PIWIL3: variants seen among roughly 807,000 people sequenced by gnomAD.
PIWIL3 encodes the protein piwi like RNA-mediated gene silencing 3.
Under a neutral mutation model 109.7 loss-of-function variants are expected in PIWIL3, and 101 were observed. The ratio of observed to expected loss-of-function variants is 0.92; its 90% CI spans 0.78 to 1.09. The LOEUF (loss-of-function observed/expected upper bound fraction) is 1.09. Ranked by LOEUF, PIWIL3 falls within the 50% of genes least tolerant of loss-of-function variation. PIWIL3 has a pLI of 0.00. For synonymous variants in PIWIL3, 373 were observed against 376.4 expected (o/e 0.99, Z 0.10); for missense variants, 1,031 against 1,072.6 (o/e 0.96, Z 0.54).
chr22:24,723,576 G>A (rs533139738), intron 18 of PIWIL3, among the ~76,000 whole-genome samples: 2 of 152,294 alleles, frequency 1.3e-5, no homozygotes, highest in South Asian at 4.1e-4. Context: ...GTAAGTCTTA[G>A]GGCTGGAGAT....
At chr22:24,759,839 G>A (rs775513503) in intron 3 of PIWIL3, 30 bp downstream of exon 3, 1 of 1,613,586 alleles carries the variant, frequency 6.2e-7, no homozygotes, top group Admixed American at 1.7e-5. Flanking sequence ...AGCATCCCCT[G>A]CCCCTCATGT....
At chr22:24,751,241 T>C in intron 9 of PIWIL3, 146 bp downstream of exon 9, 1 of 757,860 alleles carries the variant, frequency 1.3e-6, no homozygotes, top group Middle Eastern at 4.0e-4. Context: ...CGTGGATGCA[T>C]GGATAATAGA....
At chr22:24,764,007 G>A (rs1925625066) in intron 1 of PIWIL3, among the ~76,000 whole-genome samples, 3 of 152,292 alleles carry the variant, frequency 2.0e-5, no homozygotes, top group Admixed American at 6.5e-5. Flanking sequence ...CCAAGAGGGA[G>A]ATCCTCTTGC....
intron 1 of PIWIL3, among the ~76,000 whole-genome samples, chr22:24,767,832 A>G (rs984850601): frequency 6.6e-6 from 1 of 152,346 alleles, no homozygotes; most frequent in South Asian, 2.1e-4. Context: ...AAGGACAGTG[A>G]CTTGCCCAAG....
intron 1 of PIWIL3, among the ~76,000 whole-genome samples, chr22:24,771,856 C>G (rs748829732): frequency 6.6e-6 from 1 of 151,966 alleles, no homozygotes; most frequent in South Asian, 2.1e-4. Flanking sequence ...TCCTCATGCC[C>G]GGCTAATTTT....
intron 14 of PIWIL3, among the ~76,000 whole-genome samples, chr22:24,730,780 AG>A (rs1486901343): frequency 3.9e-5 from 6 of 152,246 alleles, no homozygotes; most frequent in Non-Finnish European, 7.3e-5. Flanking sequence ...GTTTAAAATG[AG>A]GACTATGTTC....
Position 24,729,581 on chromosome 22 carries a change from C to G in PIWIL3, c.1708-1207G>C, listed in dbSNP as rs561046328. 3.3e-5 allele frequency among the ~76,000 whole-genome samples: 5 copies of G among 152,288 alleles called. No individual in the cohort carries two copies. In the South Asian group the frequency reaches 1.0e-3, roughly 32 times the overall value. ...GTGGGAAACTAAGCAGTTAGGCAGA[C>G]TGGTTACTAATTGGCCTGTTCCTGA... On this transcript the variant is annotated intron_variant, in intron 14 of 20. Transcript: ENST00000616349.
intron 8 of PIWIL3, among the ~76,000 whole-genome samples, chr22:24,752,356 T>C (rs1385106229): frequency 6.6e-6 from 1 of 152,178 alleles, no homozygotes; most frequent in Non-Finnish European, 1.5e-5. Flanking sequence ...CCCTGCCATG[T>C]GTGCAGGTGT....
Position 24,757,772 on chromosome 22 carries a change from A to G in PIWIL3, c.355+136T>C, listed in dbSNP as rs540497436. 1.0e-5 allele frequency: 11 copies of G among 1,048,778 alleles called. No homozygotes were observed. The Admixed American group carries it at 1.4e-4, about 14-fold the overall frequency. 65.0% of individuals were successfully genotyped at this position (1,048,778 alleles called of 1,614,324 possible). A position where few individuals can be genotyped will look rare whatever the true frequency, so the allele number is the denominator to read the frequency against. On this transcript the variant is annotated intron_variant, in intron 4 of 20. Coordinates refer to ENST00000616349, the MANE Select transcript of PIWIL3 (RefSeq NM_001255975.1). ...GATCAGCTCAGGATCAGCTGAGCCC[A>G]GGAGTTTGAGGCTAAAGTGAGCATC...
At chr22:24,731,733 T>C (rs780500130) in intron 14 of PIWIL3, among the ~76,000 whole-genome samples, 18 of 152,162 alleles carry the variant, frequency 1.2e-4, no homozygotes, top group Non-Finnish European at 1.8e-4. Flanking sequence ...AGAAGGTATA[T>C]AAGCTCTGAA....
At chr22:24,733,187 A>G (rs1238492770) in intron 14 of PIWIL3, among the ~76,000 whole-genome samples, 1 of 152,218 alleles carries the variant, frequency 6.6e-6, no homozygotes, top group African/African-American at 2.4e-5. Context: ...AAAACACAAT[A>G]GGAAAACATT....
At chr22:24,764,265 G>C (rs1448846583) in intron 1 of PIWIL3, among the ~76,000 whole-genome samples, 2 of 152,246 alleles carry the variant, frequency 1.3e-5, no homozygotes, top group Non-Finnish European at 2.9e-5. Context: ...AGGGATGGGA[G>C]TGGGGCTGGC....
intron 18 of PIWIL3, among the ~76,000 whole-genome samples, chr22:24,724,436 A>ATTTT (rs111263336): frequency 3.0e-5 from 4 of 135,178 alleles, no homozygotes; most frequent in African/African-American, 1.1e-4. Flanking sequence ...TAATTTTTTC[A>ATTTT]TTTTTTTTTT....
intron 1 of PIWIL3, among the ~76,000 whole-genome samples, chr22:24,770,092 G>C (rs1022150988): frequency 5.9e-5 from 9 of 152,252 alleles, no homozygotes; most frequent in African/African-American, 2.2e-4. Context: ...GCTGCAGCTT[G>C]TTGAGCCACC....
Position 24,758,035 on chromosome 22 carries a change from C to T in PIWIL3, c.228G>A (p.Val76=). ...ACCCAGCCTCAGGTCCAGGTTCCTTCACCCCTGCATAAATGTAAACGCCAG... is the reference window on the plus strand; with the variant it reads ...ACCCAGCCTCAGGTCCAGGTTCCTTTACCCCTGCATAAATGTAAACGCCAG... ...GAGGGAQSQG[V]KEPGPEAGLH... is the part of the protein sequence containing the mutation. The change falls in exon 4 of 21, where the codon GTG becomes GTA. Residue 76 remains valine (V), a synonymous_variant. Coordinates refer to ENST00000616349, the MANE Select transcript of PIWIL3 (RefSeq NM_001255975.1). The T allele has an allele frequency of 1.2e-6, 2 of 1,610,018 alleles. No individual in the cohort carries two copies. Among genetic ancestry groups the T allele is most frequent in the Non-Finnish European group, 1.7e-6 (2 of 1,178,914 alleles).
intron 12 of PIWIL3, among the ~76,000 whole-genome samples, chr22:24,745,717 G>GAAAAA (rs71189273): frequency 2.5e-4 from 20 of 80,238 alleles, no homozygotes; most frequent in South Asian, 8.7e-4. Context: ...GTCAGACTAA[G>GAAAAA]AAAAAAAAAA....
chr22:24,719,460 T>G lies in PIWIL3; in HGVS notation c.*12A>C, dbSNP rs763555461. The G allele has an allele frequency of 6.5e-7, 1 of 1,540,224 alleles. No individual in the cohort carries two copies. The highest frequency in any genetic ancestry group is 1.2e-5 in the South Asian group (1 of 80,474). On this transcript the variant is annotated 3_prime_UTR_variant, in exon 21 of 21. Coordinates refer to ENST00000616349, the MANE Select transcript of PIWIL3 (RefSeq NM_001255975.1). Reference sequence around the variant, plus strand: ...TGTGGTTTCATTAGCACATCAGGTCTTCTTCTGCAGGTCAAAGGTAAAAGA... The same window carrying G: ...TGTGGTTTCATTAGCACATCAGGTCGTCTTCTGCAGGTCAAAGGTAAAAGA...
chr22:24,739,187 C>G (rs1056782137), intron 12 of PIWIL3, among the ~76,000 whole-genome samples: 1 of 151,932 alleles, frequency 6.6e-6, no homozygotes, highest in Non-Finnish European at 1.5e-5. Context: ...AAAGAAAACA[C>G]AGAAGCATGC....
intron 14 of PIWIL3, among the ~76,000 whole-genome samples, chr22:24,731,051 G>A (rs1388037614): frequency 6.6e-6 from 1 of 152,188 alleles, no homozygotes; most frequent in African/African-American, 2.4e-5. Flanking sequence ...AGGCTGGAAT[G>A]TAACAAAAGC....
Sources: allele counts gnomAD v4.1 joint callset (sites outside exome capture counted in the v4.1 genomes callset), GRCh38; gene constraint gnomAD v4.1.1; transcripts MANE v1.5; gene names NCBI Gene and HGNC (gene_info 2026-07-23, HGNC 2026-07-21).